The following DPP10 variants were observed in gnomAD, a reference collection of about 807,000 sequenced individuals.
DPP10 encodes dipeptidyl peptidase like 10, also known as inactive dipeptidyl peptidase 10.
In DPP10, 33 loss-of-function variants were observed where a neutral mutation model predicts 120.9. That is an observed-to-expected ratio of 0.27 (90% confidence interval 0.21 to 0.37). The LOEUF (loss-of-function observed/expected upper bound fraction) is 0.37. Ranked by LOEUF, DPP10 falls within the 10% of genes least tolerant of loss-of-function variation. DPP10 has a pLI of 1.00. For synonymous variants in DPP10, 337 were observed against 326.1 expected, an observed-to-expected ratio of 1.03 and a Z score of -0.36; for missense variants, 816 against 942.8, an observed-to-expected ratio of 0.87 and a Z score of 1.76.
intron 1 of DPP10, among the ~76,000 whole-genome samples, chr2:114,524,574 C>T (rs935997786): frequency 6.6e-6 from 1 of 152,140 alleles, no homozygotes; most frequent in African/African-American, 2.4e-5. Context: ...TGCTGTCTTA[C>T]AAGTGGGAAT....
chr2:114,512,306 TCA>T (rs1337233334), intron 1 of DPP10, among the ~76,000 whole-genome samples: 1 of 152,206 alleles, frequency 6.6e-6, no homozygotes, highest in Non-Finnish European at 1.5e-5. Flanking sequence ...CCTTCACCTT[TCA>T]CATGTGGACT....
At chr2:115,667,587 A>G (rs188652837) in intron 5 of DPP10, among the ~76,000 whole-genome samples, 8 of 152,196 alleles carry the variant, frequency 5.3e-5, no homozygotes, top group Non-Finnish European at 5.9e-5. Flanking sequence ...AGCACCATTT[A>G]TTAAAAAGGG....
chr2:115,553,915 T>C (rs970191307), intron 5 of DPP10, among the ~76,000 whole-genome samples: 1 of 151,696 alleles, frequency 6.6e-6, no homozygotes, highest in Non-Finnish European at 1.5e-5. Context: ...AACTGAATTA[T>C]TCAATGTTTC....
In DPP10 at chr2:114,864,768, C is replaced by G. The variant is rs1056362370; in HGVS notation, c.60+421930C>G. Among the ~76,000 whole-genome samples the G allele has an allele frequency of 2.6e-5, 4 of 152,190 alleles. No individual in the cohort carries two copies. In the South Asian group the frequency reaches 8.3e-4, roughly 31 times the overall value. Reference sequence around the variant, plus strand: ...TCCAACTGCACAGTGGACCTAACCACTAGGTGATTATGAAAGTCCCCTATA... The same window carrying G: ...TCCAACTGCACAGTGGACCTAACCAGTAGGTGATTATGAAAGTCCCCTATA... On this transcript the variant is annotated intron_variant, in intron 1 of 25. Transcript: ENST00000410059.
At chr2:114,884,229 C>T (rs1691873937) in intron 1 of DPP10, among the ~76,000 whole-genome samples, 1 of 152,198 alleles carries the variant, frequency 6.6e-6, no homozygotes, top group African/African-American at 2.4e-5. Flanking sequence ...TATCATACAT[C>T]ATGGTTTCCT....
At chr2:115,299,447 A>C (rs188864028) in intron 1 of DPP10, among the ~76,000 whole-genome samples, 1 of 152,136 alleles carries the variant, frequency 6.6e-6, no homozygotes, top group East Asian at 1.9e-4. Context: ...GAAATACTGT[A>C]AGATGATGGA....
chr2:115,735,542 A>G (rs1456862739), intron 8 of DPP10, among the ~76,000 whole-genome samples: 2 of 150,268 alleles, frequency 1.3e-5, no homozygotes, highest in Non-Finnish European at 3.0e-5. Context: ...TTTTTCTTTG[A>G]CAGAGTCTTG....
In DPP10 at chr2:115,487,007, C is replaced by T. The variant is rs888778085; in HGVS notation, c.272-12503C>T. Among the ~76,000 whole-genome samples the T allele has an allele frequency of 2.0e-5, 3 of 152,214 alleles. No individual in the cohort carries two copies. The South Asian group carries it at 6.2e-4, about 32-fold the overall frequency. On this transcript the variant is annotated intron_variant, in intron 3 of 25. Coordinates refer to ENST00000410059, the MANE Select transcript of DPP10 (RefSeq NM_020868.6). ...ATAAAAACGAACTTTATTCTGGTTA[C>T]TTTTTAGGTAAATGCTTTTATTTTG...
intron 1 of DPP10, among the ~76,000 whole-genome samples, chr2:114,526,492 C>A (rs1394004721): frequency 6.6e-6 from 1 of 152,126 alleles, no homozygotes; most frequent in Non-Finnish European, 1.5e-5. Context: ...TAAAATATCC[C>A]ATAGAAAACA....
chr2:115,478,144 G>C (rs1314092958), intron 3 of DPP10, among the ~76,000 whole-genome samples: 1 of 152,120 alleles, frequency 6.6e-6, no homozygotes, highest in Non-Finnish European at 1.5e-5. Context: ...CAACACTGGG[G>C]ATTGCATTTC....
chr2:115,209,585 A>C lies in DPP10; in HGVS notation c.61-99654A>C, dbSNP rs142750040. 5.1e-4 allele frequency among the ~76,000 whole-genome samples: 78 copies of C among 152,160 alleles called. No homozygotes were observed. The East Asian group carries it at 0.014, about 28-fold the overall frequency. ...TCTTTCTTATTACTTTTCTTTGTTT[A>C]TTCTAACTTTCTTGTTGTCTGCCTT... On this transcript the variant is annotated intron_variant, in intron 1 of 25. Coordinates refer to ENST00000410059, the MANE Select transcript of DPP10 (RefSeq NM_020868.6).
intron 1 of DPP10, among the ~76,000 whole-genome samples, chr2:114,729,607 C>T (rs1339712315): frequency 2.6e-5 from 4 of 152,206 alleles, no homozygotes. Flanking sequence ...GTTTTCCAGC[C>T]TCCCCTCAGA....
intron 1 of DPP10, among the ~76,000 whole-genome samples, chr2:114,794,289 T>C (rs1436671436): frequency 1.3e-5 from 2 of 152,154 alleles, no homozygotes; most frequent in Admixed American, 6.5e-5. Flanking sequence ...AGAGAACTCA[T>C]TGTTTCAATC....
chr2:115,222,732 A>T (rs932046447), intron 1 of DPP10, among the ~76,000 whole-genome samples: 2 of 151,968 alleles, frequency 1.3e-5, no homozygotes, highest in Admixed American at 6.6e-5. Context: ...GAACAGCATT[A>T]AAAAAAAGCA....
At chr2:115,613,016 C>G (rs192208378) in intron 5 of DPP10, among the ~76,000 whole-genome samples, 12 of 152,168 alleles carry the variant, frequency 7.9e-5, no homozygotes, top group African/African-American at 2.6e-4. Context: ...ATGTGTGTAG[C>G]CACAACTACT....
chr2:115,361,456 G>A (rs2064759556), intron 3 of DPP10, among the ~76,000 whole-genome samples: 1 of 151,992 alleles, frequency 6.6e-6, no homozygotes, highest in Non-Finnish European at 1.5e-5. Context: ...CTTTGAGGGT[G>A]GTCAATGGAC....
intron 1 of DPP10, among the ~76,000 whole-genome samples, chr2:114,717,050 C>T (rs1347339071): frequency 6.6e-6 from 1 of 152,162 alleles, no homozygotes; most frequent in East Asian, 1.9e-4. Flanking sequence ...AAGCCTTGCA[C>T]AGAGGGTTCA....
chr2:115,623,035 C>G (rs574754092), intron 5 of DPP10, among the ~76,000 whole-genome samples: 1 of 151,976 alleles, frequency 6.6e-6, no homozygotes, highest in East Asian at 1.9e-4. Flanking sequence ...TTAGTAGAGA[C>G]GGGCTTTCAC....
intron 1 of DPP10, among the ~76,000 whole-genome samples, chr2:115,157,244 C>CAAAAAA (rs569338436): frequency 3.3e-4 from 33 of 101,486 alleles, no homozygotes; most frequent in African/African-American, 6.1e-4. Context: ...TTAAATATAG[C>CAAAAAA]AAAAAAAAAA....
Sources: gnomAD v4.1 joint callset for allele counts (sites outside exome capture counted in the v4.1 genomes callset) on GRCh38, gnomAD v4.1.1 for gene constraint, MANE v1.5 for transcripts, NCBI Gene and HGNC (gene_info 2026-07-23, HGNC 2026-07-21) for gene names.